The following PRKCA variants were observed in gnomAD, a reference collection of about 807,000 sequenced individuals.
PRKCA encodes the protein protein kinase C alpha.
PRKCA carries 27 observed loss-of-function variants against 87.0 expected under a neutral mutation model. That is an observed-to-expected ratio of 0.31 (90% CI 0.23 to 0.43). PRKCA has a LOEUF of 0.43. PRKCA is among the 20% of genes least tolerant of loss of function. The pLI is 1.00. For missense variants in PRKCA, 518 were observed against 852.3 expected (o/e 0.61, Z 4.88); for synonymous variants, 329 against 311.1 (o/e 1.06, Z -0.61).
chr17:66,690,965 G>A (rs527715893), intron 8 of PRKCA, among the ~76,000 whole-genome samples: 42 of 152,000 alleles, frequency 2.8e-4, no homozygotes, highest in Admixed American at 6.6e-4. Context: ...GCAACATGGC[G>A]AAACCCAGCC....
intron 8 of PRKCA, among the ~76,000 whole-genome samples, chr17:66,694,911 C>G (rs891178618): frequency 1.3e-5 from 2 of 151,888 alleles, no homozygotes; most frequent in African/African-American, 4.8e-5. Flanking sequence ...GTTTATCCGT[C>G]AGTTGATTCT....
chr17:66,782,469 T>G (rs1335332914), intron 14 of PRKCA, among the ~76,000 whole-genome samples: 1 of 152,026 alleles, frequency 6.6e-6, no homozygotes. Flanking sequence ...CAGCAGGAAT[T>G]TGGGGAAGCA....
Position 66,488,883 on chromosome 17 carries a change from AC to A in PRKCA, c.206-7317del, listed in dbSNP as rs1916097669. Among the ~76,000 whole-genome samples the A allele has an allele frequency of 2.0e-5, 3 of 152,220 alleles. No individual in the cohort carries two copies. In the South Asian group the frequency reaches 6.2e-4, roughly 32 times the overall value. ...CCAGGAGAAGACTGTTTTCATTGTTACAAATCTGAAACCAATAATTTTCTTT... is the reference window on the plus strand; with the variant it reads ...CCAGGAGAAGACTGTTTTCATTGTTAAAATCTGAAACCAATAATTTTCTTT... On this transcript the variant is annotated intron_variant, in intron 2 of 16. Transcript: ENST00000413366.
intron 2 of PRKCA, among the ~76,000 whole-genome samples, chr17:66,456,973 A>T (rs1914602102): frequency 6.6e-6 from 1 of 152,156 alleles, no homozygotes; most frequent in Non-Finnish European, 1.5e-5. Context: ...CTGTACATGA[A>T]TGTCATGAAT....
At chr17:66,750,295 T>G (rs376989499) in intron 13 of PRKCA, among the ~76,000 whole-genome samples, 4 of 152,278 alleles carry the variant, frequency 2.6e-5, no homozygotes, top group African/African-American at 7.2e-5. Context: ...AGGGCGGCTT[T>G]CTTTCTATCA....
rs549786665 is a variant in PRKCA at position 66,774,178 on chromosome 17, C to T, written c.1605+111C>T. 16 of 1,578,424 alleles carry T rather than the reference C, an allele frequency of 1.0e-5. 1 individual carries two copies. The South Asian group carries it at 1.0e-4, about 10-fold the overall frequency. ...GACGTTTTAGTGCAGCTGGTGTTGG[C>T]GTGACTTCCCTGACCCAGGCGAAAG... On this transcript the variant is annotated intron_variant, in intron 14 of 16. Transcript: ENST00000413366.
At chr17:66,564,265 G>A (rs1968819774) in intron 3 of PRKCA, among the ~76,000 whole-genome samples, 1 of 152,064 alleles carries the variant, frequency 6.6e-6, no homozygotes, top group Non-Finnish European at 1.5e-5. Flanking sequence ...TTTTAGTAAA[G>A]ATGAGGTTTC....
chr17:66,317,510 G>A (rs1905386397), intron 2 of PRKCA, among the ~76,000 whole-genome samples: 1 of 152,238 alleles, frequency 6.6e-6, no homozygotes, highest in South Asian at 2.1e-4. Context: ...TTGGGAAGCT[G>A]TAATTTGAAA....
intron 2 of PRKCA, among the ~76,000 whole-genome samples, chr17:66,401,500 T>C (rs1323115464): frequency 6.6e-6 from 1 of 152,206 alleles, no homozygotes; most frequent in African/African-American, 2.4e-5. Flanking sequence ...ACGTGGTTTT[T>C]ATGCAATCAT....
intron 3 of PRKCA, among the ~76,000 whole-genome samples, chr17:66,629,776 G>T (rs1294201589): frequency 6.6e-6 from 1 of 152,170 alleles, no homozygotes; most frequent in Admixed American, 6.5e-5. Context: ...AGGGTGGCAT[G>T]GGGGAGCTTC....
intron 3 of PRKCA, among the ~76,000 whole-genome samples, chr17:66,631,824 C>T (rs1433325627): frequency 6.6e-6 from 1 of 152,078 alleles, no homozygotes; most frequent in Non-Finnish European, 1.5e-5. Flanking sequence ...AATATATACA[C>T]CTATGTACTC....
intron 3 of PRKCA, among the ~76,000 whole-genome samples, chr17:66,575,707 C>T (rs1165908411): frequency 6.6e-6 from 1 of 152,176 alleles, no homozygotes; most frequent in Non-Finnish European, 1.5e-5. Flanking sequence ...TGCCTGTTAC[C>T]ACCTTATGCA....
chr17:66,744,296 T>C (rs1232051753), intron 13 of PRKCA, among the ~76,000 whole-genome samples: 1 of 152,194 alleles, frequency 6.6e-6, no homozygotes, highest in Admixed American at 6.5e-5. Context: ...TGAGGAATAG[T>C]CAGGGTACTG....
At chr17:66,313,674 CTG>C (rs1410296623) in intron 2 of PRKCA, among the ~76,000 whole-genome samples, 1 of 152,222 alleles carries the variant, frequency 6.6e-6, no homozygotes, top group African/African-American at 2.4e-5. Flanking sequence ...TTGGTAATAA[CTG>C]GAGCTCAATC....
rs188485771 is a variant in PRKCA at position 66,319,360 on chromosome 17, C to T, written c.205+13233C>T. ...TTTGTGATTTTAATTTTGACAGTATCGTTTGTGCACAAGTTGTTTTTGGCT... is the reference window on the plus strand; with the variant it reads ...TTTGTGATTTTAATTTTGACAGTATTGTTTGTGCACAAGTTGTTTTTGGCT... On this transcript the variant is annotated intron_variant, in intron 2 of 16. Coordinates refer to ENST00000413366, the MANE Select transcript of PRKCA (RefSeq NM_002737.3). Among the ~76,000 whole-genome samples, 96 of 152,246 alleles carry T rather than the reference C, an allele frequency of 6.3e-4. 1 individual carries two copies. Among genetic ancestry groups the T allele is most frequent in the South Asian group, 5.0e-3 (24 of 4,826 alleles).
rs188740738 is a variant in PRKCA, at chr17:66,524,674, A to T, written c.288+28391A>T. 6.3e-3 allele frequency among the ~76,000 whole-genome samples: 960 copies of T among 152,228 alleles called. 30 individuals carry two copies. The highest frequency in any genetic ancestry group is 0.055 in the Admixed American group (838 of 15,280). ...CCAGGTTCTCTTCTGTGCCCTGGGT[A>T]TCCAGCAGTGAACTAAGCAGACAAA... On this transcript the variant is annotated intron_variant, in intron 3 of 16. Transcript: ENST00000413366.
intron 2 of PRKCA, among the ~76,000 whole-genome samples, chr17:66,349,482 G>GTT (rs1306005932): frequency 1.3e-5 from 2 of 152,100 alleles, no homozygotes; most frequent in Admixed American, 1.3e-4. Flanking sequence ...CGCAGTAGAG[G>GTT]TTTGCAAAGA....
chr17:66,382,204 A>G (rs1426076820), intron 2 of PRKCA, among the ~76,000 whole-genome samples: 1 of 152,168 alleles, frequency 6.6e-6, no homozygotes, highest in Non-Finnish European at 1.5e-5. Context: ...TGTGGAAGAG[A>G]CAGACCTGCT....
chr17:66,616,194 A>C (rs576513543), intron 3 of PRKCA, among the ~76,000 whole-genome samples: 1 of 152,234 alleles, frequency 6.6e-6, no homozygotes, highest in South Asian at 2.1e-4. Flanking sequence ...TCTAGGAAGA[A>C]TGAAATAGTA....
Sources: gnomAD v4.1 joint callset for allele counts (sites outside exome capture counted in the v4.1 genomes callset) on GRCh38, gnomAD v4.1.1 for gene constraint, MANE v1.5 for transcripts, NCBI Gene and HGNC (gene_info 2026-07-23, HGNC 2026-07-21) for gene names.